Variants in DLC1 observed in about 807,000 individuals in gnomAD.
DLC1 encodes the protein rho GTPase-activating protein 7.
In DLC1, 54 loss-of-function variants were observed where a neutral mutation model predicts 140.3. That is an observed-to-expected ratio of 0.38 (90% CI 0.31 to 0.48). The LOEUF is 0.48. DLC1 is among the 20% of genes least tolerant of loss of function. The pLI is 0.96. For synonymous variants in DLC1, 986 were observed against 728.1 expected (o/e 1.35, Z -5.70); for missense variants, 2,536 against 1,907.0 (o/e 1.33, Z -6.14).
At chr8:13,311,297 A>C (rs189937154) in intron 4 of DLC1, among the ~76,000 whole-genome samples, 260 of 152,298 alleles carry the variant, frequency 1.7e-3, no homozygotes, top group South Asian at 4.4e-3. Context: ...CCTGTGTACT[A>C]TACCATTCTT....
chr8:13,557,610 G>GTCCTT (rs1804093912), intron 1 of DLC1: 1 of 152,070 alleles, frequency 6.6e-6, no homozygotes, highest in Non-Finnish European at 1.5e-5. Context: ...TTAAAGTGTG[G>GTCCTT]TACTTCCTTG....
At chr8:13,582,833 T>G (rs1805155823) in intron 1 of DLC1, among the ~76,000 whole-genome samples, 1 of 139,554 alleles carries the variant, frequency 7.2e-6, no homozygotes, top group Non-Finnish European at 1.5e-5. Context: ...AATTTTTTTT[T>G]GCTTCCCAGT....
At chr8:13,573,347 C>G (rs751034215) in intron 1 of DLC1, among the ~76,000 whole-genome samples, 3 of 152,126 alleles carry the variant, frequency 2.0e-5, no homozygotes, top group African/African-American at 4.8e-5. Context: ...TTTATTAGCT[C>G]TAACGATGAA....
intron 5 of DLC1, among the ~76,000 whole-genome samples, chr8:13,141,843 G>C (rs981542549): frequency 6.6e-6 from 1 of 152,116 alleles, no homozygotes; most frequent in Non-Finnish European, 1.5e-5. Flanking sequence ...TGGACTTTGG[G>C]GGAACTGCAA....
intron 5 of DLC1, among the ~76,000 whole-genome samples, chr8:13,142,557 CTATGA>C (rs1352901527): frequency 2.0e-5 from 3 of 151,962 alleles, no homozygotes; most frequent in East Asian, 3.9e-4. Context: ...CATCATAACA[CTATGA>C]TATAAGAAGG....
chr8:13,220,393 G>A (rs937890879), intron 5 of DLC1, among the ~76,000 whole-genome samples: 4 of 152,088 alleles, frequency 2.6e-5, no homozygotes, highest in African/African-American at 9.7e-5. Context: ...TAACAAGTGG[G>A]GATCAGGTGG....
chr8:13,476,246 A>G (rs1467217047), intron 2 of DLC1, among the ~76,000 whole-genome samples: 1 of 152,210 alleles, frequency 6.6e-6, no homozygotes, highest in Non-Finnish European at 1.5e-5. Flanking sequence ...ACATCCAATG[A>G]TAATAGCCTT....
chr8:13,132,449 G>A (rs1442797664), intron 5 of DLC1, among the ~76,000 whole-genome samples: 1 of 152,134 alleles, frequency 6.6e-6, no homozygotes, highest in East Asian at 1.9e-4. Context: ...AAATTTCCAA[G>A]CGCCACTAGG....
chr8:13,116,178 C>T lies in DLC1; in HGVS notation c.1349-521G>A, dbSNP rs1328549780. ...TGTTTCACTGTTGCGTGATCAGGTA[C>T]TCATCAGGTATTAATCCAGTAGGAG... is the stretch of plus-strand genomic sequence containing the variant. On this transcript the variant is annotated intron_variant, in intron 5 of 17. Transcript: ENST00000276297. The T allele has an allele frequency of 1.5e-5, 15 of 985,716 alleles. No homozygotes were observed. The Admixed American group carries it at 2.5e-4, about 16-fold the overall frequency. 61.1% of individuals were successfully genotyped at this position (985,716 alleles called of 1,614,324 possible). A position where few individuals can be genotyped will look rare whatever the true frequency, so the allele number is the denominator to read the frequency against.
At chr8:13,317,523 A>G (rs1195334504) in intron 4 of DLC1, among the ~76,000 whole-genome samples, 1 of 152,184 alleles carries the variant, frequency 6.6e-6, no homozygotes, top group Non-Finnish European at 1.5e-5. Context: ...AGAGAAGGAA[A>G]TAAATTCGAA....
At chr8:13,355,396 A>G (rs1437576340) in intron 4 of DLC1, among the ~76,000 whole-genome samples, 1 of 152,196 alleles carries the variant, frequency 6.6e-6, no homozygotes, top group African/African-American at 2.4e-5. Flanking sequence ...CTGCCATGAC[A>G]AAATAACAAG....
At chr8:13,386,436 G>A (rs1363199535) in intron 4 of DLC1, among the ~76,000 whole-genome samples, 2 of 152,020 alleles carry the variant, frequency 1.3e-5, no homozygotes, top group Admixed American at 6.5e-5. Context: ...CAAGATACAA[G>A]TTATTCTCGA....
intron 5 of DLC1, among the ~76,000 whole-genome samples, chr8:13,142,116 T>G (rs1395378772): frequency 6.6e-6 from 1 of 152,246 alleles, no homozygotes; most frequent in Non-Finnish European, 1.5e-5. Context: ...TGCCGCCTTG[T>G]GAAGAAGTTA....
intron 2 of DLC1, among the ~76,000 whole-genome samples, chr8:13,491,296 C>G (rs1403615612): frequency 6.6e-6 from 1 of 151,834 alleles, no homozygotes; most frequent in Non-Finnish European, 1.5e-5. Context: ...TCTATTCTTC[C>G]TGCCATCTTC....
chr8:13,480,272 C>T (rs958552097), intron 2 of DLC1, among the ~76,000 whole-genome samples: 11 of 151,918 alleles, frequency 7.2e-5, no homozygotes, highest in African/African-American at 2.4e-4. Context: ...AAAATATATG[C>T]ACGACAATGT....
chr8:13,339,201 C>T (rs552784405), intron 4 of DLC1, among the ~76,000 whole-genome samples: 1 of 152,058 alleles, frequency 6.6e-6, no homozygotes, highest in Non-Finnish European at 1.5e-5. Context: ...AAATGATGCA[C>T]GTAAGAAAAA....
At chr8:13,579,112 C>T (rs1194709559) in intron 1 of DLC1, among the ~76,000 whole-genome samples, 1 of 150,554 alleles carries the variant, frequency 6.6e-6, no homozygotes, top group Non-Finnish European at 1.5e-5. Context: ...ACTCTCCTAT[C>T]ACTCATTAAA....
chr8:13,310,135 T>C (rs2117543971), intron 4 of DLC1, among the ~76,000 whole-genome samples: 1 of 152,330 alleles, frequency 6.6e-6, no homozygotes. Flanking sequence ...AGTTCTCCTA[T>C]GTTCCATGAA....
intron 4 of DLC1, among the ~76,000 whole-genome samples, chr8:13,313,141 T>C (rs750359464): frequency 2.0e-5 from 3 of 152,156 alleles, no homozygotes; most frequent in Non-Finnish European, 4.4e-5. Flanking sequence ...CAGCACTGTT[T>C]TCCTTAAAAT....
Sources: allele counts gnomAD v4.1 joint callset (sites outside exome capture counted in the v4.1 genomes callset), GRCh38; gene constraint gnomAD v4.1.1; transcripts MANE v1.5; gene names NCBI Gene and HGNC (gene_info 2026-07-23, HGNC 2026-07-21).